MCM3AP: variants seen among roughly 807,000 people sequenced by gnomAD.
MCM3AP encodes minichromosome maintenance complex component 3 associated protein.
MCM3AP carries 126 observed loss-of-function variants against 184.1 expected under a neutral mutation model. The observed-to-expected ratio is 0.68, with a 90% CI of 0.59 to 0.79. MCM3AP has a LOEUF of 0.79. Among genes scored for constraint, MCM3AP ranks in the 30% least tolerant of loss-of-function variants. The probability of loss-of-function intolerance (pLI) is 0.00; values close to 1 mark genes in which losing one functional copy is unlikely to be tolerated. For missense variants in MCM3AP, 2,496 were observed against 2,479.2 expected (o/e 1.01, Z -0.14); for synonymous variants, 1,002 against 979.3 (o/e 1.02, Z -0.43).
intron 26 of MCM3AP, among the ~76,000 whole-genome samples, chr21:46,239,151 C>T (rs938292963): frequency 1.3e-5 from 2 of 152,182 alleles, no homozygotes; most frequent in Non-Finnish European, 2.9e-5. Flanking sequence ...CTACCATGCT[C>T]AAGGAAGGAG....
intron 3 of MCM3AP, 21 bp from the exon 4 acceptor site, chr21:46,280,158 A>G (rs763707240): frequency 1.2e-6 from 2 of 1,613,294 alleles, no homozygotes; most frequent in Middle Eastern, 1.7e-4. Flanking sequence ...AGGAGGCAGA[A>G]AAGAGTTTAT....
chr21:46,260,096 GTC>G (rs1187447545), intron 15 of MCM3AP, among the ~76,000 whole-genome samples: 1 of 151,798 alleles, frequency 6.6e-6, no homozygotes, highest in Non-Finnish European at 1.5e-5. Context: ...AAGTGCAAGA[GTC>G]TGCATCCTCA....
At chr21:46,247,612 C>T (rs1458760919) in intron 20 of MCM3AP, 1 of 152,076 alleles carries the variant, frequency 6.6e-6, no homozygotes, top group Admixed American at 6.6e-5. Flanking sequence ...CTGCCTCGGC[C>T]TCCCAAAGTG....
rs201435762 is a variant in MCM3AP, at chr21:46,267,021, G to A, written c.2750C>T (p.Thr917Ile). The A allele has an allele frequency of 6.2e-7, 1 of 1,614,168 alleles. No homozygotes were observed. Among genetic ancestry groups the A allele is most frequent in the African/African-American group, 1.3e-5 (1 of 75,066 alleles). Residue 917 changes from threonine to isoleucine, a missense_variant, in exon 10 of 28, where the codon ACC becomes ATC. By Grantham distance (89) the Thr-to-Ile change is moderately conservative. Around this residue, in one of 5 missense-constraint regions of MCM3AP, gnomAD observed 138 missense variants for 191.9 expected, o/e 0.72. Coordinates refer to ENST00000291688, the MANE Select transcript of MCM3AP (RefSeq NM_003906.5). ...MLLFRDCEEA[T>I]DFLTCHGLTV... ...GAGGCCGTGGCAGGTGAGGAAGTCG[G>A]TGGCCTCTTCACAGTCTCTGAACAG...
Position 46,246,794 on chromosome 21 carries a change from G to T in MCM3AP, c.4383C>A (p.Pro1461=). The change falls in exon 21 of 28, where the codon CCC becomes CCA. Residue 1461 remains proline, a synonymous_variant. Coordinates refer to ENST00000291688, the MANE Select transcript of MCM3AP (RefSeq NM_003906.5). ...LGASGLMLLL[P]PKMKSEDMAE... ...CCATGTCCTCACTCTTCATTTTGGG[G>T]GGAAGCAGCAGCATGAGCCCACTGG... 2.5e-6 allele frequency: 4 copies of T among 1,614,220 alleles called. No individual in the cohort carries two copies. Among genetic ancestry groups the T allele is most frequent in the Non-Finnish European group, 3.4e-6 (4 of 1,180,042 alleles).
rs202234966 is a variant in MCM3AP, at chr21:46,283,731, G to A, written c.1327C>T (p.Pro443Ser). The A allele has an allele frequency of 6.3e-5, 101 of 1,613,864 alleles. No individual in the cohort carries two copies. The highest frequency in any genetic ancestry group is 8.0e-5 in the Non-Finnish European group (94 of 1,179,880). The change falls in exon 2 of 28, where the codon CCT becomes TCT. Residue 443 changes from proline (P) to serine (S), a missense_variant. By Grantham distance (74) the Pro-to-Ser change is moderately conservative. Transcript: ENST00000291688. Reference sequence around the variant, plus strand: ...ATGGTCCTGTCGTTGAGGTAGTCAGGGATGTTCTTGCACTGGATGGCTGTG... The same window carrying A: ...ATGGTCCTGTCGTTGAGGTAGTCAGAGATGTTCTTGCACTGGATGGCTGTG... ...EVTAIQCKNI[P>S]DYLNDRTILE...
At position 46,260,854 on chromosome 21, in the gene MCM3AP, C is replaced by G; in HGVS notation, c.3520G>C (p.Val1174Leu). The change falls in exon 15 of 28, where the codon GTG becomes CTG. Residue 1174 changes from valine (V) to leucine (L), a missense_variant. By Grantham distance (32) the Val-to-Leu change is conservative. Around this residue, in one of 5 missense-constraint regions of MCM3AP, gnomAD observed 1,323 missense variants for 1,273.4 expected, o/e 1.04. Transcript: ENST00000291688. ...ATCATCACGCGTTCCATCAGCTCCA[C>G]GGCCAGGCCCTGGCTCAGCTCACTT... Reference protein sequence around the residue: ...VLSELSQGLAVELMERVMMEF... With the variant: ...VLSELSQGLALELMERVMMEF... 1 of 1,614,162 alleles carries G rather than the reference C, an allele frequency of 6.2e-7. No homozygotes were observed. The highest frequency in any genetic ancestry group is 8.5e-7 in the Non-Finnish European group (1 of 1,180,004).
rs2080539758 is a variant in MCM3AP, at chr21:46,236,934, T to C, written c.5679A>G (p.Ala1893=). Residue 1893 remains alanine, a synonymous_variant, in exon 27 of 28, where the codon GCA becomes GCG. Transcript: ENST00000291688. ...LQQWLSEDSG[A]FTDLTSLPLY... ...GGGGAAGGGAAGTTAAATCCGTAAA[T>C]GCTCCTGAGTCTTCAGACAACCATT... 3.8e-6 allele frequency: 6 copies of C among 1,573,630 alleles called. No individual in the cohort carries two copies. The highest frequency in any genetic ancestry group is 4.3e-6 in the Non-Finnish European group (5 of 1,166,326).
At chr21:46,244,518 C>T (rs2080730673) in intron 23 of MCM3AP, 3 of 452,468 alleles carry the variant, frequency 6.6e-6, no homozygotes, top group Non-Finnish European at 8.0e-6. Flanking sequence ...GTTGGTGTTC[C>T]TCCCAGTACC....
chr21:46,243,016 A>G lies in MCM3AP; in HGVS notation c.5297-85T>C, dbSNP rs1418493101. On this transcript the variant is annotated intron_variant, in intron 24 of 27. Transcript: ENST00000291688. ...AAAAAAAAACACACACAAAAAAACA[A>G]AAACAGGTACAAATAATATTTAAAC... 6 of 1,243,772 alleles carry G rather than the reference A, an allele frequency of 4.8e-6. No homozygotes were observed. In the African/African-American group the frequency reaches 6.1e-5, roughly 13 times the overall value. The allele number at this position is 1,243,772 out of a possible 1,614,324, so 77.0% of individuals were successfully genotyped here.
chr21:46,243,330 G>A, intron 24 of MCM3AP, 135 bp downstream of exon 24: 2 of 1,068,770 alleles, frequency 1.9e-6, no homozygotes, highest in Non-Finnish European at 2.7e-6. Context: ...CTCACTTGAA[G>A]AGGGAAGTCC....
rs548479623 is a variant in MCM3AP, at chr21:46,265,522, G to T, written c.3033C>A (p.Gly1011=). The change falls in exon 12 of 28, where the codon GGC becomes GGA. Residue 1011 remains glycine, a splice_region_variant and synonymous_variant. Transcript: ENST00000291688. The part of the protein sequence containing the change: ...STQRPGSDTV[G]GGRGEECGVE... ...CACCACACTCCTCTCCTCTCCCTCC[G>T]CCTGGAAGGAAACATACAGGACAAA... The T allele has an allele frequency of 2.5e-6, 4 of 1,584,462 alleles. No homozygotes were observed. The highest frequency in any genetic ancestry group is 2.2e-5 in the East Asian group (1 of 44,528).
At chr21:46,255,331 C>T (rs1053383977) in intron 17 of MCM3AP, among the ~76,000 whole-genome samples, 6 of 152,058 alleles carry the variant, frequency 3.9e-5, no homozygotes, top group Non-Finnish European at 8.8e-5. Flanking sequence ...GTGAGGGCAG[C>T]GAGGGAGGGG....
intron 22 of MCM3AP, among the ~76,000 whole-genome samples, chr21:46,245,585 C>G (rs1164034570): frequency 6.6e-6 from 1 of 152,190 alleles, no homozygotes; most frequent in African/African-American, 2.4e-5. Flanking sequence ...CCTTCACACC[C>G]TATGGTTATC....
chr21:46,240,848 A>G lies in MCM3AP; in HGVS notation c.5596T>C (p.Ser1866Pro), dbSNP rs774787365. 1 of 1,614,230 alleles carries G rather than the reference A, an allele frequency of 6.2e-7. No individual in the cohort carries two copies. Among genetic ancestry groups the G allele is most frequent in the Admixed American group, 1.7e-5 (1 of 60,032 alleles). The change falls in exon 26 of 28, where the codon TCG becomes CCG. Residue 1866 changes from serine (S) to proline (P), a missense_variant. Ser to Pro is a moderately conservative substitution (Grantham distance 74, BLOSUM62 -1). Transcript: ENST00000291688. ...TCTTTCTCCAGCAGCAGACTGCTCG[A>G]CAAACACTGCGCCAAGAGCTCCTCA... ...SAEELLAQCL[S>P]SSLLLEKEEN...
intron 13 of MCM3AP, among the ~76,000 whole-genome samples, chr21:46,262,714 T>C (rs532929101): frequency 6.6e-6 from 1 of 151,592 alleles, no homozygotes; most frequent in East Asian, 1.9e-4. Context: ...ACGCCTGTAA[T>C]CCCAGCACTT....
intron 17 of MCM3AP, chr21:46,256,539 C>A: frequency 1.8e-6 from 1 of 542,256 alleles, no homozygotes; most frequent in Non-Finnish European, 3.3e-6. Flanking sequence ...GACTCAGGCA[C>A]CAGGACGCTG....
In MCM3AP at chr21:46,266,092, G is replaced by C. The variant is rs752697472; in HGVS notation, c.2864C>G (p.Thr955Ser). The C allele has an allele frequency of 1.9e-6, 3 of 1,612,488 alleles. No homozygotes were observed. The Admixed American group carries it at 5.0e-5, about 27-fold the overall frequency. Residue 955 changes from threonine to serine, a missense_variant, in exon 11 of 28, where the codon ACT becomes AGT. This residue lies in a region of MCM3AP where 138 missense variants were observed against 191.9 expected (regional missense o/e 0.72). Coordinates refer to ENST00000291688, the MANE Select transcript of MCM3AP (RefSeq NM_003906.5). ...LSKTRKSVFI[T>S]RKLTVSVGEI... ...CCCGACTGACACCGTCAGCTTCCTA[G>C]TAATAAACACCGACTTCCTGGTCTT...
chr21:46,261,719 CGAGA>C lies in MCM3AP; in HGVS notation c.3336-312_3336-309del, dbSNP rs1383910009. Among the ~76,000 whole-genome samples, 6 of 130,682 alleles carry C rather than the reference CGAGA, an allele frequency of 4.6e-5. 1 individual carries two copies. The highest frequency in any genetic ancestry group is 1.8e-4 in the African/African-American group (6 of 33,180). The allele number at this position is 130,682 out of a possible 152,430, so 85.7% of individuals were successfully genotyped here. A position where few individuals can be genotyped will look rare whatever the true frequency, so the allele number is the denominator to read the frequency against. On this transcript the variant is annotated intron_variant, in intron 13 of 27. Transcript: ENST00000291688. ...CTGTACTCCAGCCTGGGCGACACAG[CGAGA>C]CTCTGTCTCAAAAAAAAAAAAAAAA...
Sources: gnomAD v4.1 joint callset for allele counts (sites outside exome capture counted in the v4.1 genomes callset) on GRCh38, gnomAD v4.1.1 for gene constraint, gnomAD v4.1.1 regional missense constraint, MANE v1.5 for transcripts, NCBI Gene and HGNC (gene_info 2026-07-23, HGNC 2026-07-21) for gene names.